Variants in NLRP8 observed in about 807,000 individuals in gnomAD.
The protein encoded by NLRP8 is NACHT, LRR and PYD domains-containing protein 8.
A neutral mutation model predicts 88.7 loss-of-function variants in NLRP8; 86 were observed. The ratio of observed to expected loss-of-function variants is 0.97; its 90% CI spans 0.81 to 1.16. The LOEUF is 1.16. Among genes scored for constraint, NLRP8 ranks in the 50% most tolerant of loss-of-function variants. NLRP8 has a pLI of 0.00. For missense variants in NLRP8, 1,342 were observed against 1,286.5 expected (o/e 1.04, Z -0.66); for synonymous variants, 504 against 494.6 (o/e 1.02, Z -0.25).
intron 4 of NLRP8, among the ~76,000 whole-genome samples, chr19:55,965,355 G>A (rs748531054): frequency 1.3e-5 from 2 of 151,974 alleles, no homozygotes; most frequent in Non-Finnish European, 2.9e-5. Context: ...GGAGGCTGAG[G>A]CAGGAGAATC....
chr19:55,978,039 T>C (rs916179234), intron 8 of NLRP8, among the ~76,000 whole-genome samples: 1 of 152,158 alleles, frequency 6.6e-6, no homozygotes, highest in African/African-American at 2.4e-5. Context: ...TTATGCAGTA[T>C]TTTCTAAGCC....
At position 55,976,117 on chromosome 19, in the gene NLRP8, C is replaced by G; in HGVS notation, c.2706-16C>G. The G allele has an allele frequency of 6.4e-7, 1 of 1,569,806 alleles. No individual in the cohort carries two copies. The highest frequency in any genetic ancestry group is 8.6e-7 in the Non-Finnish European group (1 of 1,161,482). On this transcript the variant is annotated splice_polypyrimidine_tract_variant and intron_variant, in intron 7 of 9. Coordinates refer to ENST00000291971, the MANE Select transcript of NLRP8 (RefSeq NM_176811.2). ...AGTTGTTGTTGTTGTTGTTTTTAAC[C>G]TGTGTTTCTTTGCAGACTGAGAAAG... is the stretch of plus-strand genomic sequence containing the variant.
intron 7 of NLRP8, 77 bp from the exon 8 acceptor site, chr19:55,976,056 G>C: frequency 7.7e-7 from 1 of 1,306,874 alleles, no homozygotes; most frequent in Non-Finnish European, 1.0e-6. Flanking sequence ...AAACCTAAGG[G>C]TGTTTTCGTT....
intron 9 of NLRP8, among the ~76,000 whole-genome samples, chr19:55,981,629 T>G (rs1484670493): frequency 6.6e-6 from 1 of 152,224 alleles, no homozygotes; most frequent in African/African-American, 2.4e-5. Context: ...TCTTAACGTG[T>G]CTGGGGAAAG....
chr19:55,955,049 CTGAT>C lies in NLRP8; in HGVS notation c.992_995del (p.Leu331ProfsTer2). 4 of 1,614,110 alleles carry C rather than the reference CTGAT, an allele frequency of 2.5e-6. No homozygotes were observed. Among genetic ancestry groups the C allele is most frequent in the Non-Finnish European group, 3.4e-6 (4 of 1,180,020 alleles). ...AACGATGCTTCCAGAGGCCACGCTA[CTGAT>C]CATGATAAGATTTACCTCTTGGCAG... On this transcript the variant is annotated frameshift_variant, in exon 3 of 10. Coordinates refer to ENST00000291971, the MANE Select transcript of NLRP8 (RefSeq NM_176811.2). LOFTEE classifies it high-confidence loss of function.
In NLRP8 at chr19:55,966,343, G is replaced by A. The variant is rs1979840148; in HGVS notation, c.2344G>A (p.Val782Met). 1 of 1,614,122 alleles carries A rather than the reference G, an allele frequency of 6.2e-7. No individual in the cohort carries two copies. Among genetic ancestry groups the A allele is most frequent in the South Asian group, 1.1e-5 (1 of 91,084 alleles). Residue 782 changes from valine (V) to methionine (M), a missense_variant, in exon 5 of 10, where the codon GTG (valine) becomes ATG (methionine). Val to Met is a conservative substitution (Grantham distance 21). Transcript: ENST00000291971. Reference sequence around the variant, plus strand: ...CAAAGCTGTGAAGCTTCTATGCAGGGTGCTGAGATCCCCCCGGTGCCGTCT... The same window carrying A: ...CAAAGCTGTGAAGCTTCTATGCAGGATGCTGAGATCCCCCCGGTGCCGTCT...
Position 55,976,318 on chromosome 19 carries a change from G to C in NLRP8, c.2876+15G>C. The C allele has an allele frequency of 6.3e-7, 1 of 1,581,942 alleles. No homozygotes were observed. On this transcript the variant is annotated intron_variant, in intron 8 of 9. Transcript: ENST00000291971. ...CAGATCCTGGAGTAAGTGGCCCCTC[G>C]TCTCCTCCTGTGAGACCAGGAGAAT...
intron 5 of NLRP8, among the ~76,000 whole-genome samples, chr19:55,968,361 C>A (rs1302074223): frequency 6.6e-6 from 1 of 151,826 alleles, no homozygotes; most frequent in African/African-American, 2.4e-5. Context: ...ATTGCTTGAA[C>A]CCGGGAGGCG....
chr19:55,970,050 T>G (rs1184624240), intron 5 of NLRP8, among the ~76,000 whole-genome samples: 2 of 152,094 alleles, frequency 1.3e-5, no homozygotes, highest in Non-Finnish European at 2.9e-5. Flanking sequence ...AGCATTGAGG[T>G]CTATTGCACA....
At chr19:55,975,283 C>T (rs1033633855) in intron 7 of NLRP8, among the ~76,000 whole-genome samples, 18 of 152,262 alleles carry the variant, frequency 1.2e-4, no homozygotes, top group African/African-American at 2.6e-4. Flanking sequence ...CAAGAGGTGG[C>T]GCAAAATACC....
rs1979426356 is a variant in NLRP8 at position 55,957,675 on chromosome 19, ATATATATATATATATAT to A, written c.2042+1576_2042+1592del. Among the ~76,000 whole-genome samples, 42 of 105,574 alleles carry A rather than the reference ATATATATATATATATAT, an allele frequency of 4.0e-4. 1 individual carries two copies. The highest frequency in any genetic ancestry group is 1.3e-3 in the East Asian group (6 of 4,484). The allele number at this position is 105,574 out of a possible 152,430, so 69.3% of individuals were successfully genotyped here. A position where few individuals can be genotyped will look rare whatever the true frequency, so the allele number is the denominator to read the frequency against. On this transcript the variant is annotated intron_variant, in intron 3 of 9. Transcript: ENST00000291971. ...TCTTAAAAAAGAAAAAATAATAATTATATATATATATATATATATATATATATATATATATATATATA... is the reference window on the plus strand; with the variant it reads ...TCTTAAAAAAGAAAAAATAATAATTAATATATATATATATATATATATATA...
chr19:55,971,387 G>A (rs1394526854), intron 6 of NLRP8, among the ~76,000 whole-genome samples: 1 of 140,814 alleles, frequency 7.1e-6, no homozygotes, highest in Non-Finnish European at 1.5e-5. Flanking sequence ...GTTGCAGTGA[G>A]CCGAGATCGC....
rs376737779 is a variant in NLRP8, at chr19:55,962,274, T to C, written c.2213+37T>C. The C allele has an allele frequency of 2.3e-4, 372 of 1,591,462 alleles. 1 individual carries two copies. Among genetic ancestry groups the C allele is most frequent in the Middle Eastern group, 2.1e-4 (1 of 4,676 alleles). On this transcript the variant is annotated intron_variant, in intron 4 of 9. Coordinates refer to ENST00000291971, the MANE Select transcript of NLRP8 (RefSeq NM_176811.2). Reference sequence around the variant, plus strand: ...ACAAATCCCACTGGAAGGAACTTTATGGAGATGGTCTGTTTCCCATCCACT... The same window carrying C: ...ACAAATCCCACTGGAAGGAACTTTACGGAGATGGTCTGTTTCCCATCCACT...
chr19:55,962,178 T>A lies in NLRP8; in HGVS notation c.2154T>A (p.Pro718=), dbSNP rs778830745. ...TGACCAACAGTGTTTTGGGGCCTCC[T>A]TTTTTGAAGGCTCTCGCGGCCGCAC... is the stretch of plus-strand genomic sequence containing the variant. The change falls in exon 4 of 10, where the codon CCT becomes CCA. Residue 718 remains proline (P), a synonymous_variant. Coordinates refer to ENST00000291971, the MANE Select transcript of NLRP8 (RefSeq NM_176811.2). The A allele has an allele frequency of 1.9e-6, 3 of 1,613,626 alleles. No individual in the cohort carries two copies.
intron 5 of NLRP8, among the ~76,000 whole-genome samples, chr19:55,968,735 T>A (rs1979949774): frequency 1.3e-5 from 2 of 152,124 alleles, no homozygotes; most frequent in African/African-American, 4.8e-5. Context: ...AGCAGGACTC[T>A]GTCTCAAAAA....
intron 5 of NLRP8, among the ~76,000 whole-genome samples, chr19:55,969,307 A>C (rs1206870685): frequency 6.6e-6 from 1 of 152,128 alleles, no homozygotes; most frequent in African/African-American, 2.4e-5. Flanking sequence ...CATCATTCTT[A>C]TGCCTTTGCA....
intron 7 of NLRP8, 87 bp from the exon 8 acceptor site, chr19:55,976,046 A>G: frequency 7.7e-7 from 1 of 1,299,868 alleles, no homozygotes; most frequent in Non-Finnish European, 1.0e-6. Context: ...CAAAGAAGTA[A>G]AACCTAAGGG....
At chr19:55,952,863 G>T (rs1979158713) in intron 2 of NLRP8, among the ~76,000 whole-genome samples, 1 of 152,074 alleles carries the variant, frequency 6.6e-6, no homozygotes, top group Non-Finnish European at 1.5e-5. Context: ...GAGGCGGAGG[G>T]TTGCAGTGAG....
chr19:55,955,084 C>G lies in NLRP8; in HGVS notation c.1026C>G (p.Cys342Trp), dbSNP rs748708747. Residue 342 changes from cysteine to tryptophan, a missense_variant, in exon 3 of 10, where the codon TGC becomes TGG. Physicochemically the swap from Cys to Trp is radical, Grantham distance 215 (BLOSUM62 -2). Transcript: ENST00000291971. Reference sequence around the variant, plus strand: ...TAAGATTTACCTCTTGGCAGACATGCAAGCCCTTGCTGAAATGTCCCTCTC... The same window carrying G: ...TAAGATTTACCTCTTGGCAGACATGGAAGCCCTTGCTGAAATGTCCCTCTC... The G allele has an allele frequency of 2.5e-6, 4 of 1,614,100 alleles. No individual in the cohort carries two copies. The South Asian group carries it at 3.3e-5, about 13-fold the overall frequency.
Sources: gnomAD v4.1 joint callset for allele counts (sites outside exome capture counted in the v4.1 genomes callset) on GRCh38, gnomAD v4.1.1 for gene constraint, MANE v1.5 for transcripts, NCBI Gene and HGNC (gene_info 2026-07-23, HGNC 2026-07-21) for gene names.